CABLES2: variants seen among roughly 807,000 people sequenced by gnomAD.
CABLES2 encodes the protein Cdk5 and Abl enzyme substrate 2, also known as CDK5 and ABL1 enzyme substrate 2.
In CABLES2, 35 loss-of-function variants were observed where a neutral mutation model predicts 44.8. The ratio of observed to expected loss-of-function variants is 0.78; its 90% CI spans 0.60 to 1.04. CABLES2 has a LOEUF of 1.04. Among genes scored for constraint, CABLES2 ranks in the 50% least tolerant of loss-of-function variants. The pLI, the probability that CABLES2 is intolerant of heterozygous loss-of-function variation, is 0.00. For synonymous variants in CABLES2, 282 were observed against 281.1 expected (o/e 1.00, Z -0.03); for missense variants, 566 against 615.7 (o/e 0.92, Z 0.85).
chr20:62,391,912 G>A lies in CABLES2; in HGVS notation c.1092-459C>T, dbSNP rs566616148. Among the ~76,000 whole-genome samples the A allele has an allele frequency of 2.1e-3, 318 of 152,130 alleles. 1 individual carries two copies. The highest frequency in any genetic ancestry group is 7.0e-3 in the African/African-American group (289 of 41,518). The stretch of plus-strand genomic sequence containing the variant: ...AGCCCGACGTGAGCCCAGCAGTTCC[G>A]CCGCCTTCTGCTCGCTTTCCTCCGG... On this transcript the variant is annotated intron_variant, in intron 8 of 9. Coordinates refer to ENST00000279101, the MANE Select transcript of CABLES2 (RefSeq NM_031215.3). The surrounding 1 kb of genome is among the most constrained non-coding windows in gnomAD (Gnocchi z 5.7).
rs780496299 is a variant in CABLES2, at chr20:62,391,244, C to T, written c.1296+5G>A. 3 of 1,605,344 alleles carry T rather than the reference C, an allele frequency of 1.9e-6. No homozygotes were observed. The highest frequency in any genetic ancestry group is 1.7e-6 in the Non-Finnish European group (2 of 1,174,346). ...CCTGCAGTGCCTGCCGAGCCGGGCA[C>T]TCACATCGATGAGCTGCGTCACGCC... On this transcript the variant is annotated splice_donor_5th_base_variant and intron_variant, in intron 9 of 9. Transcript: ENST00000279101. This position sits in a 1 kb window ranked among gnomAD's most constrained non-coding sequence, Gnocchi z 5.7.
Position 62,396,722 on chromosome 20 carries a change from GGGGCTTCCAGA to G in CABLES2, c.363-141_363-131del, listed in dbSNP as rs1988028717. Reference sequence around the variant, plus strand: ...GCCCAGCGGCGCACCCATGGGCCGAGGGGCTTCCAGAGCCCATGCAGACTGAGGCGGGGAGG... The same window carrying G: ...GCCCAGCGGCGCACCCATGGGCCGAGGCCCATGCAGACTGAGGCGGGGAGG... On this transcript the variant is annotated intron_variant, in intron 1 of 9. Transcript: ENST00000279101. This position sits in a 1 kb window ranked among gnomAD's most constrained non-coding sequence, Gnocchi z 5.7. 1 of 910,786 alleles carries G rather than the reference GGGGCTTCCAGA, an allele frequency of 1.1e-6. No homozygotes were observed. The highest frequency in any genetic ancestry group is 1.7e-6 in the Non-Finnish European group (1 of 590,622). 56.4% of individuals were successfully genotyped at this position (910,786 alleles called of 1,614,324 possible). A position where few individuals can be genotyped will look rare whatever the true frequency, so the allele number is the denominator to read the frequency against.
At chr20:62,399,964 G>A (rs1988159103) in intron 1 of CABLES2, among the ~76,000 whole-genome samples, 1 of 152,166 alleles carries the variant, frequency 6.6e-6, no homozygotes, top group Non-Finnish European at 1.5e-5. Flanking sequence ...TGGTTGTAGG[G>A]GTACCAAGTA....
In CABLES2 at chr20:62,394,222, C is replaced by G; in HGVS notation, c.649G>C (p.Gly217Arg). 6.2e-7 allele frequency: 1 copy of G among 1,613,608 alleles called. No individual in the cohort carries two copies. The highest frequency in any genetic ancestry group is 8.5e-7 in the Non-Finnish European group (1 of 1,180,016). Reference protein sequence around the residue: ...DSQKQRHPSGGVSVSSEMVFE... With the variant: ...DSQKQRHPSGRVSVSSEMVFE... ...ACCATCTCGGAAGACACAGAGACGC[C>G]GCCGGACGGGTGCCTCTGCTTCTGG... The change falls in exon 5 of 10, where the codon GGC (glycine) becomes CGC (arginine). Residue 217 changes from glycine (G) to arginine (R), a missense_variant. Transcript: ENST00000279101.
In CABLES2 at chr20:62,407,059, G is replaced by A; in HGVS notation, c.218C>T (p.Pro73Leu). The A allele has an allele frequency of 9.2e-7, 1 of 1,086,930 alleles. No homozygotes were observed. The allele number at this position is 1,086,930 out of a possible 1,614,324, so 67.3% of individuals were successfully genotyped here. ...SLGPGGEKPP[P>L]PPAEAREPPA... is the part of the protein sequence containing the mutation. Reference sequence around the variant, plus strand: ...CGGTTCGCGGGCCTCGGCGGGCGGCGGCGGGGGCTTCTCTCCGCCCGGGCC... The same window carrying A: ...CGGTTCGCGGGCCTCGGCGGGCGGCAGCGGGGGCTTCTCTCCGCCCGGGCC... The change falls in exon 1 of 10, where the codon CCG becomes CTG. Residue 73 changes from proline to leucine, a missense_variant. Pro to Leu is a moderately conservative substitution (Grantham distance 98). Around this residue, in one of 2 missense-constraint regions of CABLES2, gnomAD observed 130 missense variants for 79.4 expected, o/e 1.64. Transcript: ENST00000279101.
In CABLES2 at chr20:62,396,659, C is replaced by A. The variant is rs1026934022; in HGVS notation, c.363-67G>T. On this transcript the variant is annotated intron_variant, in intron 1 of 9. Transcript: ENST00000279101. The surrounding 1 kb of genome is among the most constrained non-coding windows in gnomAD (Gnocchi z 5.7). The stretch of plus-strand genomic sequence containing the variant: ...GGGTGCCGCCTTTGTGGCCAGAAAC[C>A]GAGTGCCGCCCGCTGTGCAGGGAAG... The A allele has an allele frequency of 6.7e-7, 1 of 1,496,736 alleles. No homozygotes were observed. The highest frequency in any genetic ancestry group is 2.4e-5 in the East Asian group (1 of 41,514). The allele number at this position is 1,496,736 out of a possible 1,614,324, so 92.7% of individuals were successfully genotyped here. A position where few individuals can be genotyped will look rare whatever the true frequency, so the allele number is the denominator to read the frequency against.
chr20:62,391,490 C>T lies in CABLES2; in HGVS notation c.1092-37G>A, dbSNP rs1385104820. On this transcript the variant is annotated intron_variant, in intron 8 of 9. Coordinates refer to ENST00000279101, the MANE Select transcript of CABLES2 (RefSeq NM_031215.3). This position sits in a 1 kb window ranked among gnomAD's most constrained non-coding sequence, Gnocchi z 5.7. ...GACAGAAGCCATGTCCCTGGGGGCT[C>T]TGGCTGGGGCTGAGGAGGCAGCCCC... is the stretch of plus-strand genomic sequence containing the variant. 6.2e-7 allele frequency: 1 copy of T among 1,601,294 alleles called. No homozygotes were observed. Among genetic ancestry groups the T allele is most frequent in the Admixed American group, 1.7e-5 (1 of 59,858 alleles).
rs1235247797 is a variant in CABLES2 at position 62,389,544 on chromosome 20, C to G, written c.*1427G>C. ...TTGGCATCTCCTTTCTGCGGAAGCA[C>G]CAGTCTGCACAGAAAGCATAGGATG... is the stretch of plus-strand genomic sequence containing the variant. On this transcript the variant is annotated 3_prime_UTR_variant, in exon 10 of 10. Coordinates refer to ENST00000279101, the MANE Select transcript of CABLES2 (RefSeq NM_031215.3). The G allele has an allele frequency of 5.3e-5, 8 of 152,214 alleles. No individual in the cohort carries two copies. Among genetic ancestry groups the G allele is most frequent in the Admixed American group, 2.0e-4 (3 of 15,272 alleles). The allele number at this position is 152,214 out of a possible 1,614,324, so 9.4% of individuals were successfully genotyped here.
intron 7 of CABLES2, 131 bp from the exon 8 acceptor site, chr20:62,392,626 ATC>A: frequency 1.4e-6 from 1 of 715,428 alleles, no homozygotes. Context: ...GAGGCCCCGA[ATC>A]TCTGAGAACA....
intron 1 of CABLES2, among the ~76,000 whole-genome samples, chr20:62,398,113 T>TGATGGCGATGGTGGTGATGGC (rs1569017641): frequency 7.4e-6 from 1 of 135,102 alleles, no homozygotes; most frequent in African/African-American, 2.8e-5. Context: ...GTGATGGTGG[T>TGATGGCGATGGTGGTGATGGC]GGTGGTGGTG....
chr20:62,398,873 C>T (rs1007678497), intron 1 of CABLES2, among the ~76,000 whole-genome samples: 11 of 152,268 alleles, frequency 7.2e-5, no homozygotes, highest in African/African-American at 2.7e-4. Context: ...AGGCCTGGCC[C>T]TTGCCCAGGT....
chr20:62,398,088 ACGGTGGTGGTGG>A (rs1988085971), intron 1 of CABLES2, among the ~76,000 whole-genome samples: 3 of 52,162 alleles, frequency 5.8e-5, no homozygotes, highest in Non-Finnish European at 8.0e-5. Context: ...GGTGGTGGTG[ACGGTGGTGGTGG>A]TGGTGATGGT....
At position 62,391,049 on chromosome 20, in the gene CABLES2, G is replaced by A. The variant is rs150166778; in HGVS notation, c.1359C>T (p.Leu453=). 180 of 1,614,136 alleles carry A rather than the reference G, an allele frequency of 1.1e-4. No individual in the cohort carries two copies. The African/African-American group carries it at 1.6e-3, about 14-fold the overall frequency. The part of the protein sequence containing the change: ...RDLIGFEFTV[L]VALELALYLP... Reference sequence around the variant, plus strand: ...GATACAGGGCCAGCTCCAAGGCCACGAGCACTGTGAACTCAAACCCTATCA... The same window carrying A: ...GATACAGGGCCAGCTCCAAGGCCACAAGCACTGTGAACTCAAACCCTATCA... The change falls in exon 10 of 10, where the codon CTC becomes CTT. Residue 453 remains leucine (L), a synonymous_variant. Coordinates refer to ENST00000279101, the MANE Select transcript of CABLES2 (RefSeq NM_031215.3). The surrounding 1 kb of genome is among the most constrained non-coding windows in gnomAD (Gnocchi z 5.7).
At chr20:62,399,459 G>C (rs1669501034) in intron 1 of CABLES2, among the ~76,000 whole-genome samples, 1 of 150,332 alleles carries the variant, frequency 6.7e-6, no homozygotes, top group African/African-American at 2.5e-5. Flanking sequence ...CTGTTAGCCA[G>C]GATGGTCTTG....
intron 1 of CABLES2, among the ~76,000 whole-genome samples, chr20:62,401,105 G>A (rs1479204951): frequency 6.6e-6 from 1 of 152,148 alleles, no homozygotes; most frequent in Non-Finnish European, 1.5e-5. Context: ...ACCCAGTGGC[G>A]CCGCTCCCAC....
Position 62,407,099 on chromosome 20 carries a change from G to T in CABLES2, c.178C>A (p.Arg60=). The change falls in exon 1 of 10, where the codon CGG becomes AGG. Residue 60 remains arginine, a synonymous_variant. Transcript: ENST00000279101. ...FFLNNISLDG[R]PPSLGPGGEK... The stretch of plus-strand genomic sequence containing the variant: ...CCGCCCGGGCCCAGGCTCGGGGGCC[G>T]CCCGTCCAGGGAGATGTTGTTGAGG... The T allele has an allele frequency of 9.6e-7, 1 of 1,044,570 alleles. No individual in the cohort carries two copies. The allele number at this position is 1,044,570 out of a possible 1,614,324, so 64.7% of individuals were successfully genotyped here.
At chr20:62,395,263 C>T (rs981132822) in intron 3 of CABLES2, among the ~76,000 whole-genome samples, 3 of 152,186 alleles carry the variant, frequency 2.0e-5, no homozygotes, top group Admixed American at 6.5e-5. Flanking sequence ...CCTGGGACGC[C>T]GCTGCACGTG....
At chr20:62,398,212 T>TGGTG (rs1491343862) in intron 1 of CABLES2, among the ~76,000 whole-genome samples, 1 of 43,212 alleles carries the variant, frequency 2.3e-5, no homozygotes, top group Non-Finnish European at 4.3e-5. Context: ...GTGATGGTGA[T>TGGTG]GTGATGGTGG....
At chr20:62,402,552 A>T (rs1236232630) in intron 1 of CABLES2, 1 of 152,262 alleles carries the variant, frequency 6.6e-6, no homozygotes, top group Admixed American at 6.5e-5. Flanking sequence ...CTCGCCAGGA[A>T]GGCGTGGGCA....
Sources: gnomAD v4.1 joint callset for allele counts (sites outside exome capture counted in the v4.1 genomes callset) on GRCh38, gnomAD v4.1.1 for gene constraint, gnomAD v4.1.1 regional missense constraint, Gnocchi (gnomAD v3.1) non-coding constraint, MANE v1.5 for transcripts, NCBI Gene and HGNC (gene_info 2026-07-23, HGNC 2026-07-21) for gene names.